Variants in LRRC4C observed in about 807,000 individuals in gnomAD.
The protein encoded by LRRC4C is leucine rich repeat containing 4C.
A neutral mutation model predicts 33.6 loss-of-function variants in LRRC4C; 5 were observed. The ratio of observed to expected loss-of-function variants is 0.15; its 90% CI spans 0.08 to 0.31. The LOEUF (loss-of-function observed/expected upper bound fraction) is 0.31, where lower values mean the gene tolerates loss of function less well. Among genes scored for constraint, LRRC4C ranks in the 10% least tolerant of loss-of-function variants. The probability of loss-of-function intolerance (pLI) is 1.00; values close to 1 mark genes in which losing one functional copy is unlikely to be tolerated. For missense variants in LRRC4C, 560 were observed against 796.7 expected (o/e 0.70, Z 3.58); for synonymous variants, 329 against 302.0 (o/e 1.09, Z -0.93).
chr11:40,573,474 T>A (rs543390821), intron 3 of LRRC4C, among the ~76,000 whole-genome samples: 4 of 152,196 alleles, frequency 2.6e-5, no homozygotes, highest in Non-Finnish European at 4.4e-5. Flanking sequence ...CAAGCCTGTC[T>A]TCACTTCATC....
At chr11:40,384,693 C>A (rs11035816) in intron 3 of LRRC4C, among the ~76,000 whole-genome samples, 59,642 of 151,924 alleles carry the variant, frequency 0.39, 11,888 homozygotes, top group East Asian at 0.49. Flanking sequence ...CTACATTTTG[C>A]TTTCTCTAGA....
intron 2 of LRRC4C, among the ~76,000 whole-genome samples, chr11:40,727,176 G>C (rs143328502): frequency 6.6e-4 from 101 of 152,152 alleles, no homozygotes; most frequent in African/African-American, 1.7e-3. Flanking sequence ...ATACTGTAAG[G>C]CTCCAGTAAC....
intron 4 of LRRC4C, among the ~76,000 whole-genome samples, chr11:40,265,088 C>G (rs914015631): frequency 2.0e-5 from 3 of 152,184 alleles, no homozygotes; most frequent in South Asian, 2.1e-4. Flanking sequence ...CTTCTCCTCA[C>G]CCCCGCTCCC....
intron 2 of LRRC4C, among the ~76,000 whole-genome samples, chr11:40,847,878 G>A (rs1243132222): frequency 6.7e-6 from 1 of 149,934 alleles, no homozygotes; most frequent in Non-Finnish European, 1.5e-5. Flanking sequence ...TCTTCCTGGT[G>A]TAGTCTTGGG....
chr11:40,724,475 A>T (rs2136709776), intron 2 of LRRC4C, among the ~76,000 whole-genome samples: 1 of 152,326 alleles, frequency 6.6e-6, no homozygotes, highest in African/African-American at 2.4e-5. Context: ...ACACAACTGC[A>T]TGAAATCTAA....
chr11:41,342,932 T>C (rs1472615500), intron 1 of LRRC4C, among the ~76,000 whole-genome samples: 1 of 152,194 alleles, frequency 6.6e-6, no homozygotes, highest in Non-Finnish European at 1.5e-5. Flanking sequence ...CAAGTCTCTA[T>C]ATGAGGACTT....
At chr11:41,345,464 G>T (rs187810111) in intron 1 of LRRC4C, among the ~76,000 whole-genome samples, 3 of 152,342 alleles carry the variant, frequency 2.0e-5, no homozygotes, top group Admixed American at 6.5e-5. Context: ...CCATTATGGT[G>T]ATCATAGTTT....
chr11:41,266,904 G>A (rs1405924703), intron 1 of LRRC4C, among the ~76,000 whole-genome samples: 5 of 152,086 alleles, frequency 3.3e-5, no homozygotes, highest in Admixed American at 3.3e-4. Context: ...GTTGGTTCAA[G>A]GAGAATTTCA....
At chr11:41,266,884 ATGT>A (rs930770784) in intron 1 of LRRC4C, among the ~76,000 whole-genome samples, 2 of 152,146 alleles carry the variant, frequency 1.3e-5, no homozygotes, top group South Asian at 2.1e-4. Context: ...AAATATATGC[ATGT>A]TGTTGTGTTG....
chr11:40,733,449 G>A (rs12806399), intron 2 of LRRC4C, among the ~76,000 whole-genome samples: 1 of 152,032 alleles, frequency 6.6e-6, no homozygotes, highest in African/African-American at 2.4e-5. Flanking sequence ...AAACATATTT[G>A]TTAAATCTGT....
intron 3 of LRRC4C, among the ~76,000 whole-genome samples, chr11:40,605,905 G>A (rs532703066): frequency 2.5e-4 from 38 of 152,262 alleles, no homozygotes; most frequent in East Asian, 5.8e-4. Flanking sequence ...TTTTTGAGGG[G>A]CTGCACTAGA....
intron 1 of LRRC4C, among the ~76,000 whole-genome samples, chr11:41,359,233 G>A (rs1451808781): frequency 6.6e-6 from 1 of 152,130 alleles, no homozygotes; most frequent in Non-Finnish European, 1.5e-5. Flanking sequence ...TCTTCAGAGT[G>A]GTGAAAAATA....
chr11:40,720,856 T>A (rs908419576), intron 2 of LRRC4C, among the ~76,000 whole-genome samples: 5 of 152,200 alleles, frequency 3.3e-5, no homozygotes, highest in African/African-American at 1.2e-4. Flanking sequence ...AATCACGTTT[T>A]CAGAGGTGAG....
At chr11:41,264,418 A>G (rs928574185) in intron 1 of LRRC4C, among the ~76,000 whole-genome samples, 8 of 152,122 alleles carry the variant, frequency 5.3e-5, no homozygotes, top group African/African-American at 1.2e-4. Flanking sequence ...ACAATTTGCA[A>G]TTTCATAAGT....
At chr11:40,764,679 G>A (rs1949368918) in intron 2 of LRRC4C, among the ~76,000 whole-genome samples, 1 of 152,112 alleles carries the variant, frequency 6.6e-6, no homozygotes, top group Non-Finnish European at 1.5e-5. Flanking sequence ...CAGTCCCAGT[G>A]GTGGTGGCCA....
intron 5 of LRRC4C, among the ~76,000 whole-genome samples, chr11:40,179,297 C>T (rs1012331533): frequency 6.6e-6 from 1 of 152,110 alleles, no homozygotes; most frequent in Non-Finnish European, 1.5e-5. Flanking sequence ...AGCCACCACA[C>T]CCAGCTGGTC....
intron 1 of LRRC4C, among the ~76,000 whole-genome samples, chr11:41,101,934 G>C (rs1012537234): frequency 1.3e-5 from 2 of 151,956 alleles, no homozygotes; most frequent in Non-Finnish European, 2.9e-5. Flanking sequence ...CAAATGATAA[G>C]AACACAATGA....
At chr11:40,700,024 G>A (rs1945787982) in intron 2 of LRRC4C, among the ~76,000 whole-genome samples, 1 of 151,998 alleles carries the variant, frequency 6.6e-6, no homozygotes, top group Admixed American at 6.6e-5. Context: ...TTCCTATTGG[G>A]TGCCCTCTAT....
intron 1 of LRRC4C, among the ~76,000 whole-genome samples, chr11:41,106,205 T>G (rs921593799): frequency 1.3e-5 from 2 of 151,978 alleles, no homozygotes; most frequent in African/African-American, 4.8e-5. Context: ...TACTTTACCT[T>G]TATTATATTC....
Sources: allele counts gnomAD v4.1 joint callset (sites outside exome capture counted in the v4.1 genomes callset), GRCh38; gene constraint gnomAD v4.1.1; transcripts MANE v1.5; gene names NCBI Gene and HGNC (gene_info 2026-07-23, HGNC 2026-07-21).